Variants in WDPCP observed in about 807,000 individuals in gnomAD.
The protein encoded by WDPCP is WD repeat containing planar cell polarity effector.
In WDPCP, 71 loss-of-function variants were observed where a neutral mutation model predicts 93.1. The observed-to-expected ratio is 0.76, with a 90% CI of 0.63 to 0.93. The LOEUF (loss-of-function observed/expected upper bound fraction) is 0.93, where lower values mean the gene tolerates loss of function less well. Among genes scored for constraint, WDPCP ranks in the 40% least tolerant of loss-of-function variants. The probability of loss-of-function intolerance (pLI) is 0.00; values close to 1 mark genes in which losing one functional copy is unlikely to be tolerated. For synonymous variants in WDPCP, 315 were observed against 315.0 expected, an observed-to-expected ratio of 1.00 and a Z score of 0.00; for missense variants, 844 against 887.4, an observed-to-expected ratio of 0.95 and a Z score of 0.62.
At chr2:63,533,512 C>G (rs1187921666) in intron 1 of WDPCP, among the ~76,000 whole-genome samples, 1 of 152,206 alleles carries the variant, frequency 6.6e-6, no homozygotes, top group Non-Finnish European at 1.5e-5. Context: ...CAAACAGTCT[C>G]TCAGACCACA....
At chr2:63,361,229 G>A (rs1325665094) in intron 12 of WDPCP, among the ~76,000 whole-genome samples, 1 of 152,076 alleles carries the variant, frequency 6.6e-6, no homozygotes, top group Non-Finnish European at 1.5e-5. Flanking sequence ...GATGGGGAGG[G>A]ACTAGATGAG....
At chr2:63,411,756 C>T (rs1695037676) in intron 9 of WDPCP, among the ~76,000 whole-genome samples, 1 of 152,076 alleles carries the variant, frequency 6.6e-6, no homozygotes, top group South Asian at 2.1e-4. Context: ...AACACCTTTA[C>T]ACACATAAAC....
chr2:63,607,654 C>A (rs1050139610), intron 3 of WDPCP, among the ~76,000 whole-genome samples: 1 of 151,614 alleles, frequency 6.6e-6, no homozygotes, highest in East Asian at 1.9e-4. Flanking sequence ...CGCGGTGAAA[C>A]CCCATCTCTA....
intron 14 of WDPCP, among the ~76,000 whole-genome samples, chr2:63,177,624 T>A (rs1036153253): frequency 1.3e-5 from 2 of 152,082 alleles, no homozygotes; most frequent in African/African-American, 4.8e-5. Context: ...AAAGTTTAAA[T>A]GGGATCTTTA....
At chr2:63,729,064 T>A (rs1669525828) in intron 2 of WDPCP, among the ~76,000 whole-genome samples, 1 of 152,150 alleles carries the variant, frequency 6.6e-6, no homozygotes, top group Non-Finnish European at 1.5e-5. Context: ...GATATTCTCT[T>A]CAATATGAAG....
intron 12 of WDPCP, among the ~76,000 whole-genome samples, chr2:63,318,790 T>C (rs974674722): frequency 6.6e-6 from 1 of 151,976 alleles, no homozygotes; most frequent in South Asian, 2.1e-4. Context: ...GGAGGGTGAA[T>C]TGAAAAAGTA....
chr2:63,818,997 A>G (rs976913138), intron 1 of WDPCP, among the ~76,000 whole-genome samples: 1 of 152,198 alleles, frequency 6.6e-6, no homozygotes, highest in Non-Finnish European at 1.5e-5. Flanking sequence ...CTATAAATAG[A>G]TGTATACACA....
At chr2:63,608,198 A>C (rs958664913) in intron 3 of WDPCP, among the ~76,000 whole-genome samples, 1 of 152,206 alleles carries the variant, frequency 6.6e-6, no homozygotes, top group African/African-American at 2.4e-5. Context: ...ATATTAAAAA[A>C]ATGGTAATAG....
At chr2:63,425,463 A>G (rs1358882549) in intron 9 of WDPCP, among the ~76,000 whole-genome samples, 2 of 152,336 alleles carry the variant, frequency 1.3e-5, no homozygotes, top group East Asian at 3.9e-4. Flanking sequence ...TTGAAACCCA[A>G]TAGAACCCAG....
At chr2:63,529,757 G>C (rs1703669763) in intron 1 of WDPCP, among the ~76,000 whole-genome samples, 1 of 151,234 alleles carries the variant, frequency 6.6e-6, no homozygotes, top group Non-Finnish European at 1.5e-5. Context: ...GATTGGAATA[G>C]TTTCAGAAGG....
chr2:63,524,134 A>C (rs894469246), intron 1 of WDPCP, among the ~76,000 whole-genome samples: 1 of 152,228 alleles, frequency 6.6e-6, no homozygotes, highest in Non-Finnish European at 1.5e-5. Context: ...CAAATGAAAA[A>C]ATATTCCATG....
chr2:63,430,243 A>T (rs182842952), intron 9 of WDPCP, among the ~76,000 whole-genome samples: 1 of 152,234 alleles, frequency 6.6e-6, no homozygotes, highest in East Asian at 1.9e-4. Flanking sequence ...AGGGAGGAGG[A>T]CAAGGACTAA....
At chr2:63,181,586 G>A (rs1360875589) in intron 14 of WDPCP, among the ~76,000 whole-genome samples, 1 of 151,998 alleles carries the variant, frequency 6.6e-6, no homozygotes, top group Non-Finnish European at 1.5e-5. Context: ...TGCTGTTTTG[G>A]TTACTGTAAC....
intron 12 of WDPCP, among the ~76,000 whole-genome samples, chr2:63,355,316 C>T (rs1689938195): frequency 6.6e-6 from 1 of 152,132 alleles, no homozygotes; most frequent in South Asian, 2.1e-4. Context: ...AAAAAATCTT[C>T]AAACAAGAAT....
intron 1 of WDPCP, among the ~76,000 whole-genome samples, chr2:63,558,566 G>A (rs986763043): frequency 3.3e-5 from 5 of 151,392 alleles, no homozygotes. Context: ...AAAGAAAAGA[G>A]AGAATAATCA....
intron 17 of WDPCP, among the ~76,000 whole-genome samples, chr2:63,133,792 A>T (rs1388936241): frequency 6.6e-6 from 1 of 152,184 alleles, no homozygotes; most frequent in East Asian, 1.9e-4. Flanking sequence ...GAATGGACTA[A>T]TACAGGTGGA....
chr2:63,748,240 T>C (rs1028561600), intron 2 of WDPCP, among the ~76,000 whole-genome samples: 1 of 151,702 alleles, frequency 6.6e-6, no homozygotes. Flanking sequence ...TCTTTTGTTA[T>C]GTTTTCTTGC....
chr2:63,465,086 GA>G (rs959461945), intron 6 of WDPCP, among the ~76,000 whole-genome samples: 4 of 150,858 alleles, frequency 2.7e-5, no homozygotes, highest in African/African-American at 7.3e-5. Context: ...GTTTTTTACT[GA>G]AAAAAAAGCT....
intron 1 of WDPCP, among the ~76,000 whole-genome samples, chr2:63,506,401 T>G (rs1431476014): frequency 2.6e-5 from 4 of 151,736 alleles, no homozygotes; most frequent in Non-Finnish European, 4.4e-5. Context: ...ATGTAGTTAT[T>G]TGCACTCCCT....
Sources: gnomAD v4.1 joint callset for allele counts (sites outside exome capture counted in the v4.1 genomes callset) on GRCh38, gnomAD v4.1.1 for gene constraint, MANE v1.5 for transcripts, NCBI Gene and HGNC (gene_info 2026-07-23, HGNC 2026-07-21) for gene names.